The following ABTB2 variants were observed in gnomAD, a reference collection of about 807,000 sequenced individuals.
ABTB2 encodes ankyrin repeat and BTB/POZ domain-containing protein 2.
ABTB2 carries 56 observed loss-of-function variants against 104.1 expected under a neutral mutation model. The ratio of observed to expected loss-of-function variants is 0.54; its 90% confidence interval spans 0.43 to 0.67. The LOEUF is 0.67. Ranked by LOEUF, ABTB2 falls within the 30% of genes least tolerant of loss-of-function variation. ABTB2 has a pLI of 0.00. For synonymous variants in ABTB2, 606 were observed against 608.2 expected, an observed-to-expected ratio of 1.00 and a Z score of 0.05; for missense variants, 1,279 against 1,407.7, an observed-to-expected ratio of 0.91 and a Z score of 1.46.
intron 3 of ABTB2, among the ~76,000 whole-genome samples, chr11:34,176,108 C>T (rs1037990287): frequency 2.0e-5 from 3 of 151,812 alleles, no homozygotes; most frequent in Admixed American, 6.6e-5. Flanking sequence ...GGTGAAACCC[C>T]GTCTCTACTA....
rs753286619 is a variant in ABTB2, at chr11:34,161,021, C to T, written c.2279G>A (p.Arg760Gln). 22 of 1,613,384 alleles carry T rather than the reference C, an allele frequency of 1.4e-5. No individual in the cohort carries two copies. Among genetic ancestry groups the T allele is most frequent in the South Asian group, 1.2e-4 (11 of 91,060 alleles). The change falls in exon 11 of 17, where the codon CGG becomes CAG. Residue 760 changes from arginine (R) to glutamine (Q), a missense_variant. Physicochemically the swap from Arg to Gln is conservative, Grantham distance 43. Coordinates refer to ENST00000435224, the MANE Select transcript of ABTB2 (RefSeq NM_145804.3). ...CAGGAGGCTCTGCACCACCGAGTAC[C>T]GCGACTGCGAGAACGAGGTCCTCAG... ...ESLRTSFSQS[R>Q]YSVVQSLLRD... is the part of the protein sequence containing the mutation.
rs765439060 is a variant in ABTB2, at chr11:34,154,226, T to G, written c.2880+39A>C. On this transcript the variant is annotated intron_variant, in intron 16 of 16. Transcript: ENST00000435224. The surrounding 1 kb of genome is among the most constrained non-coding windows in gnomAD (Gnocchi z 4.9). ...GCCGAGGCCCCCGTGGAGCAGAGCA[T>G]GTGGTGGGAGGTGGCCAGCAGGCAT... The G allele has an allele frequency of 6.6e-7, 1 of 1,505,520 alleles. No individual in the cohort carries two copies. Among genetic ancestry groups the G allele is most frequent in the Non-Finnish European group, 9.2e-7 (1 of 1,083,252 alleles). 93.3% of individuals were successfully genotyped at this position (1,505,520 alleles called of 1,614,324 possible).
intron 1 of ABTB2, among the ~76,000 whole-genome samples, chr11:34,310,109 T>A (rs988394616): frequency 2.0e-5 from 3 of 152,144 alleles, no homozygotes; most frequent in Non-Finnish European, 4.4e-5. Context: ...GCACAGTATG[T>A]ATGTCTCCTG....
chr11:34,326,861 G>A (rs1855076400), intron 1 of ABTB2, among the ~76,000 whole-genome samples: 1 of 152,170 alleles, frequency 6.6e-6, no homozygotes, highest in African/African-American at 2.4e-5. Flanking sequence ...TTTGAGGTCA[G>A]GAGTTCAAGA....
At chr11:34,283,213 C>G (rs192014346) in intron 1 of ABTB2, among the ~76,000 whole-genome samples, 1 of 149,312 alleles carries the variant, frequency 6.7e-6, no homozygotes. Context: ...CCACCGTGCC[C>G]GGCCATCTTT....
At chr11:34,330,863 C>T (rs1855121215) in intron 1 of ABTB2, among the ~76,000 whole-genome samples, 1 of 152,216 alleles carries the variant, frequency 6.6e-6, no homozygotes, top group South Asian at 2.1e-4. Context: ...GCAGTCAGAT[C>T]CCTTTGGAAC....
At chr11:34,267,447 G>A (rs916969796) in intron 1 of ABTB2, among the ~76,000 whole-genome samples, 3 of 152,008 alleles carry the variant, frequency 2.0e-5, no homozygotes, top group East Asian at 1.9e-4. Flanking sequence ...TTCCATCCCC[G>A]TAGTTGAGAA....
intron 1 of ABTB2, among the ~76,000 whole-genome samples, chr11:34,296,065 A>T (rs767146711): frequency 4.6e-5 from 7 of 152,172 alleles, no homozygotes; most frequent in South Asian, 2.1e-4. Flanking sequence ...CCAGAAGATC[A>T]AGGCAGCAGG....
In ABTB2 at chr11:34,357,060, G is replaced by A. The variant is rs891672899; in HGVS notation, c.524C>T (p.Ala175Val). Residue 175 changes from alanine to valine, a missense_variant, in exon 1 of 17, where the codon GCG (alanine) becomes GTG (valine). Ala to Val is a moderately conservative substitution (Grantham distance 64). Transcript: ENST00000435224. Reference protein sequence around the residue: ...VHSWALAESCALAAVKALSLY... With the variant: ...VHSWALAESCVLAAVKALSLY... ...GGACAGCGCCTTGACGGCTGCCAGC[G>A]CGCAGCTCTCGGCCAGCGCCCAGCT... is the stretch of plus-strand genomic sequence containing the variant. 2.6e-5 allele frequency: 40 copies of A among 1,526,038 alleles called. No individual in the cohort carries two copies. Among genetic ancestry groups the A allele is most frequent in the Non-Finnish European group, 3.3e-5 (38 of 1,138,198 alleles). The allele number at this position is 1,526,038 out of a possible 1,614,324, so 94.5% of individuals were successfully genotyped here.
intron 1 of ABTB2, among the ~76,000 whole-genome samples, chr11:34,208,203 A>G (rs1238296943): frequency 6.6e-6 from 1 of 152,260 alleles, no homozygotes; most frequent in Non-Finnish European, 1.5e-5. Flanking sequence ...CAGCTCTAGC[A>G]TAACGGGCCC....
At chr11:34,221,300 A>C (rs1023061602) in intron 1 of ABTB2, among the ~76,000 whole-genome samples, 11 of 152,184 alleles carry the variant, frequency 7.2e-5, no homozygotes, top group Admixed American at 3.9e-4. Flanking sequence ...GACATCGGCC[A>C]TACTGAGTTA....
chr11:34,196,357 T>C (rs1853256477), intron 3 of ABTB2, among the ~76,000 whole-genome samples: 1 of 152,094 alleles, frequency 6.6e-6, no homozygotes, highest in Admixed American at 6.5e-5. Context: ...ATCGAGACCA[T>C]CCTTGCTAAC....
intron 1 of ABTB2, among the ~76,000 whole-genome samples, chr11:34,303,636 CTTTTTTT>C (rs35677380): frequency 1.3e-5 from 1 of 79,088 alleles, no homozygotes; most frequent in Non-Finnish European, 2.2e-5. Context: ...ACTATGGGTG[CTTTTTTT>C]TTTTTTTTTT....
intron 1 of ABTB2, among the ~76,000 whole-genome samples, chr11:34,223,474 T>C (rs1222634224): frequency 6.6e-6 from 1 of 152,184 alleles, no homozygotes; most frequent in Non-Finnish European, 1.5e-5. Flanking sequence ...TAATCATCAT[T>C]AGGAGCGTAG....
At position 34,154,140 on chromosome 11, in the gene ABTB2, C is replaced by T. The variant is rs1852586580; in HGVS notation, c.2880+125G>A. The stretch of plus-strand genomic sequence containing the variant: ...TGCTAACCCTCCCTCAGCCTCTACA[C>T]TGCCCTCAGAAGCAGCCTGGTCACC... On this transcript the variant is annotated intron_variant, in intron 16 of 16. Transcript: ENST00000435224. The surrounding 1 kb of genome is among the most constrained non-coding windows in gnomAD (Gnocchi z 4.9). 1.4e-6 allele frequency: 1 copy of T among 715,664 alleles called. No homozygotes were observed. The highest frequency in any genetic ancestry group is 2.4e-6 in the Non-Finnish European group (1 of 408,702). 44.3% of individuals were successfully genotyped at this position (715,664 alleles called of 1,614,324 possible). A position where few individuals can be genotyped will look rare whatever the true frequency, so the allele number is the denominator to read the frequency against.
intron 1 of ABTB2, among the ~76,000 whole-genome samples, chr11:34,312,003 T>C (rs1372045838): frequency 1.3e-5 from 2 of 151,896 alleles, no homozygotes; most frequent in Non-Finnish European, 2.9e-5. Context: ...TTGCAGGTCA[T>C]GGTGGCGCAC....
chr11:34,301,623 T>C (rs1014071393), intron 1 of ABTB2, among the ~76,000 whole-genome samples: 2 of 152,226 alleles, frequency 1.3e-5, no homozygotes, highest in Admixed American at 1.3e-4. Context: ...CAGAGATGGA[T>C]CCACCTTTGA....
chr11:34,255,497 C>CTT (rs879472977), intron 1 of ABTB2, among the ~76,000 whole-genome samples: 8 of 146,408 alleles, frequency 5.5e-5, no homozygotes, highest in African/African-American at 2.0e-4. Flanking sequence ...TTAAAAACTT[C>CTT]TTTTTTTTTT....
At chr11:34,256,431 G>A (rs529534702) in intron 1 of ABTB2, among the ~76,000 whole-genome samples, 5 of 152,126 alleles carry the variant, frequency 3.3e-5, no homozygotes, top group Admixed American at 6.6e-5. Flanking sequence ...AAACAAACCC[G>A]GTTTTGTCAT....
Sources: allele counts gnomAD v4.1 joint callset (sites outside exome capture counted in the v4.1 genomes callset), GRCh38; gene constraint gnomAD v4.1.1; non-coding constraint Gnocchi (gnomAD v3.1); transcripts MANE v1.5; gene names NCBI Gene and HGNC (gene_info 2026-07-23, HGNC 2026-07-21).